Variants in KYAT1 observed in about 807,000 individuals in gnomAD.
The protein encoded by KYAT1 is kynurenine aminotransferase 1, also known as kynurenine--oxoglutarate transaminase 1.
KYAT1 carries 47 observed loss-of-function variants against 52.4 expected under a neutral mutation model. The observed-to-expected ratio is 0.90, with a 90% CI of 0.71 to 1.14. KYAT1 has a LOEUF of 1.14. KYAT1 is among the 50% of genes most tolerant of loss of function. The probability of loss-of-function intolerance (pLI) is 0.00; values close to 1 mark genes in which losing one functional copy is unlikely to be tolerated. For missense variants in KYAT1, 480 were observed against 557.9 expected (o/e 0.86, Z 1.41); for synonymous variants, 212 against 209.6 (o/e 1.01, Z -0.10).
chr9:128,842,780 G>A lies in KYAT1; in HGVS notation c.75C>T (p.Ala25=), dbSNP rs1306290906. 6 of 1,613,778 alleles carry A rather than the reference G, an allele frequency of 3.7e-6. No homozygotes were observed. The highest frequency in any genetic ancestry group is 2.2e-5 in the South Asian group (2 of 91,020). Residue 25 remains alanine, a synonymous_variant, in exon 3 of 13, where the codon GCC becomes GCT. Coordinates refer to ENST00000302586, the MANE Select transcript of KYAT1 (RefSeq NM_004059.5). ...YNPWVEFVKL[A]SEHDVVNLGQ... ...CCAAGTTCACGACGTCATGCTCACTGGCCAGTTTCACAAACTCCACCCTGG... is the reference window on the plus strand; with the variant it reads ...CCAAGTTCACGACGTCATGCTCACTAGCCAGTTTCACAAACTCCACCCTGG...
chr9:128,864,365 CAAAAAAAA>C (rs35129459), intron 1 of KYAT1, among the ~76,000 whole-genome samples: 2 of 75,192 alleles, frequency 2.7e-5, no homozygotes, highest in Non-Finnish European at 4.7e-5. Context: ...GACTCTGTCT[CAAAAAAAA>C]AAAAAAAAAA....
intron 1 of KYAT1, among the ~76,000 whole-genome samples, chr9:128,856,746 C>A (rs1045669198): frequency 6.6e-6 from 1 of 152,214 alleles, no homozygotes. Flanking sequence ...ACCAGGGGCA[C>A]AACGCACTGC....
At chr9:128,867,594 C>A (rs1836585473) in intron 1 of KYAT1, among the ~76,000 whole-genome samples, 1 of 152,170 alleles carries the variant, frequency 6.6e-6, no homozygotes, top group African/African-American at 2.4e-5. Flanking sequence ...TATCCATCAA[C>A]CTGGGGCTAG....
At chr9:128,870,784 T>C (rs549699140) in intron 1 of KYAT1, among the ~76,000 whole-genome samples, 8 of 152,008 alleles carry the variant, frequency 5.3e-5, no homozygotes, top group Admixed American at 4.6e-4. Flanking sequence ...GAGGAGGTAA[T>C]GGGGAGTGAC....
chr9:128,851,294 T>C (rs1833926582), intron 1 of KYAT1, among the ~76,000 whole-genome samples: 3 of 152,068 alleles, frequency 2.0e-5, no homozygotes, highest in Admixed American at 2.0e-4. Flanking sequence ...AGAACGTGAG[T>C]ATTGAGGACA....
At chr9:128,838,604 T>C (rs981434374) in intron 3 of KYAT1, among the ~76,000 whole-genome samples, 1 of 152,200 alleles carries the variant, frequency 6.6e-6, no homozygotes, top group African/African-American at 2.4e-5. Flanking sequence ...CAGAGGCAGG[T>C]GCTATTGTGA....
intron 1 of KYAT1, among the ~76,000 whole-genome samples, chr9:128,863,352 G>C (rs1454907060): frequency 6.6e-6 from 1 of 151,992 alleles, no homozygotes; most frequent in African/African-American, 2.4e-5. Flanking sequence ...ATTCATGGAG[G>C]CTGGGCATGG....
At chr9:128,875,467 G>T (rs751432579) in intron 1 of KYAT1, among the ~76,000 whole-genome samples, 6 of 151,854 alleles carry the variant, frequency 4.0e-5, no homozygotes, top group Non-Finnish European at 8.8e-5. Flanking sequence ...ACAAAAATTA[G>T]CCGGGTGTGG....
chr9:128,855,853 C>T (rs781657056), intron 1 of KYAT1, among the ~76,000 whole-genome samples: 48 of 152,308 alleles, frequency 3.2e-4, no homozygotes, highest in Non-Finnish European at 1.6e-4. Flanking sequence ...GCTACTGCTG[C>T]GGCTGCTGGA....
intron 1 of KYAT1, among the ~76,000 whole-genome samples, chr9:128,851,289 G>A (rs751341058): frequency 1.1e-4 from 16 of 152,172 alleles, no homozygotes; most frequent in Non-Finnish European, 1.3e-4. Flanking sequence ...TGCTGAGAAC[G>A]TGAGTATTGA....
chr9:128,842,022 T>G (rs748059632), intron 3 of KYAT1: 8 of 192,670 alleles, frequency 4.2e-5, no homozygotes, highest in South Asian at 3.8e-4. Flanking sequence ...CAAAAATAAA[T>G]AAATAAATAT....
chr9:128,880,402 T>C (rs1738060699), intron 1 of KYAT1, among the ~76,000 whole-genome samples: 1 of 151,516 alleles, frequency 6.6e-6, no homozygotes, highest in African/African-American at 2.4e-5. Context: ...TTAGTGTAAA[T>C]CTCCCAGGGT....
At chr9:128,872,642 C>T (rs1837398634) in intron 1 of KYAT1, among the ~76,000 whole-genome samples, 1 of 151,790 alleles carries the variant, frequency 6.6e-6, no homozygotes, top group Admixed American at 6.6e-5. Flanking sequence ...TGGCACTCAC[C>T]TGTAATCCCG....
Position 128,835,583 on chromosome 9 carries a change from G to T in KYAT1, c.940C>A (p.Gln314Lys), listed in dbSNP as rs913480048. The T allele has an allele frequency of 6.2e-7, 1 of 1,613,054 alleles. No individual in the cohort carries two copies. The highest frequency in any genetic ancestry group is 1.3e-5 in the African/African-American group (1 of 74,946). The stretch of plus-strand genomic sequence containing the variant: ...CGTATCATGTGGTCACGGCAGCGCT[G>T]CATGGCCTGCGGGAACTGCACAAAG... ...SYFVQFPQAMQRCRDHMIRSL... is the reference protein window; with the variant it reads ...SYFVQFPQAMKRCRDHMIRSL... Residue 314 changes from glutamine to lysine, a missense_variant, in exon 10 of 13, where the codon CAG becomes AAG. Gln to Lys is a moderately conservative substitution (Grantham distance 53, BLOSUM62 1). Transcript: ENST00000302586.
At chr9:128,877,442 C>T (rs1838209208) in intron 1 of KYAT1, among the ~76,000 whole-genome samples, 1 of 152,204 alleles carries the variant, frequency 6.6e-6, no homozygotes, top group East Asian at 1.9e-4. Flanking sequence ...ATTATTTACT[C>T]TATTTTGCTC....
Position 128,835,608 on chromosome 9 carries a change from G to A in KYAT1, c.915C>T (p.Tyr305=). The A allele has an allele frequency of 6.2e-7, 1 of 1,612,756 alleles. No homozygotes were observed. The highest frequency in any genetic ancestry group is 8.5e-7 in the Non-Finnish European group (1 of 1,180,024). The change falls in exon 10 of 13, where the codon TAC becomes TAT. Residue 305 remains tyrosine (Y), a synonymous_variant. Coordinates refer to ENST00000302586, the MANE Select transcript of KYAT1 (RefSeq NM_004059.5). ...EQLLFRQPSS[Y]FVQFPQAMQR... ...GCATGGCCTGCGGGAACTGCACAAA[G>A]TAGCTGCTGGGTTGGCGGAAGAGCA...
upstream of KYAT1, chr9:128,882,474 C>T (rs1170795219): frequency 5.3e-6 from 2 of 377,830 alleles, no homozygotes; most frequent in African/African-American, 2.1e-5. Flanking sequence ...GCGCGCGAGC[C>T]CCCTCCCAGG....
intron 1 of KYAT1, among the ~76,000 whole-genome samples, chr9:128,870,181 AATGTTT>A (rs1481559376): frequency 5.9e-5 from 9 of 152,214 alleles, no homozygotes; most frequent in African/African-American, 2.2e-4. Context: ...CATGTACACA[AATGTTT>A]ATATCAACAG....
intron 1 of KYAT1, among the ~76,000 whole-genome samples, chr9:128,850,407 T>G (rs1216612182): frequency 6.6e-6 from 1 of 152,204 alleles, no homozygotes; most frequent in Non-Finnish European, 1.5e-5. Flanking sequence ...AAACATGTGT[T>G]GTAGGGAACC....
Sources: allele counts gnomAD v4.1 joint callset (sites outside exome capture counted in the v4.1 genomes callset), GRCh38; gene constraint gnomAD v4.1.1; transcripts MANE v1.5; gene names NCBI Gene and HGNC (gene_info 2026-07-23, HGNC 2026-07-21).